Variants in P3H2 observed in about 807,000 individuals in gnomAD.
P3H2 encodes leprecan-like 1.
A neutral mutation model predicts 87.0 loss-of-function variants in P3H2; 80 were observed. The observed-to-expected ratio is 0.92, with a 90% CI of 0.77 to 1.11. The LOEUF (loss-of-function observed/expected upper bound fraction) is 1.11. Ranked by LOEUF, P3H2 falls within the 50% of genes least tolerant of loss-of-function variation. The pLI, the probability that P3H2 is intolerant of heterozygous loss-of-function variation, is 0.00. For missense variants in P3H2, 1,001 were observed against 923.9 expected, an observed-to-expected ratio of 1.08 and a Z score of -1.08; for synonymous variants, 367 against 359.3, an observed-to-expected ratio of 1.02 and a Z score of -0.24.
chr3:190,040,229 G>T (rs1375703949), intron 1 of P3H2, among the ~76,000 whole-genome samples: 2 of 152,152 alleles, frequency 1.3e-5, no homozygotes, highest in African/African-American at 4.8e-5. Flanking sequence ...GATTCCAGGG[G>T]AGATTTGAAA....
chr3:189,985,341 A>T (rs1343028293), intron 6 of P3H2, among the ~76,000 whole-genome samples: 1 of 151,652 alleles, frequency 6.6e-6, no homozygotes, highest in Non-Finnish European at 1.5e-5. Context: ...AAAAAATTAC[A>T]AGTTAAAATG....
chr3:190,032,781 G>T (rs1725294330), intron 1 of P3H2, among the ~76,000 whole-genome samples: 1 of 151,994 alleles, frequency 6.6e-6, no homozygotes, highest in African/African-American at 2.4e-5. Flanking sequence ...GCGGTCTCCA[G>T]CCTTTTTGGT....
intron 8 of P3H2, among the ~76,000 whole-genome samples, chr3:189,977,957 A>G (rs1723404122): frequency 6.6e-6 from 1 of 152,144 alleles, no homozygotes; most frequent in Non-Finnish European, 1.5e-5. Flanking sequence ...ATAGAACGCA[A>G]TTTGGAAAAG....
At chr3:190,046,071 T>G (rs570668884) in intron 1 of P3H2, among the ~76,000 whole-genome samples, 2 of 147,770 alleles carry the variant, frequency 1.4e-5, no homozygotes, top group Non-Finnish European at 3.0e-5. Flanking sequence ...TGCAGTGAGC[T>G]GAGATCGCAC....
In P3H2 at chr3:190,120,777, C is replaced by T; in HGVS notation, c.-46G>A. 2.0e-6 allele frequency: 3 copies of T among 1,502,548 alleles called. No homozygotes were observed. Among genetic ancestry groups the T allele is most frequent in the Non-Finnish European group, 2.7e-6 (3 of 1,131,486 alleles). 93.1% of individuals were successfully genotyped at this position (1,502,548 alleles called of 1,614,324 possible). A position where few individuals can be genotyped will look rare whatever the true frequency, so the allele number is the denominator to read the frequency against. On this transcript the variant is annotated 5_prime_UTR_variant, in exon 1 of 15. Coordinates refer to ENST00000319332, the MANE Select transcript of P3H2 (RefSeq NM_018192.4). Reference sequence around the variant, plus strand: ...GGGACGGTTACGCTCGAGAGGGCTTCGGGGCACCTCGCGTCCGGGTCCCCT... The same window carrying T: ...GGGACGGTTACGCTCGAGAGGGCTTTGGGGCACCTCGCGTCCGGGTCCCCT...
At chr3:190,041,035 TATACAC>T (rs1254457373) in intron 1 of P3H2, among the ~76,000 whole-genome samples, 20 of 39,798 alleles carry the variant, frequency 5.0e-4, no homozygotes, top group Admixed American at 7.2e-4. Context: ...TATATATATA[TATACAC>T]ACACACACAC....
In P3H2 at chr3:189,974,724, G is replaced by A. The variant is rs367974582; in HGVS notation, c.1325-39C>T. On this transcript the variant is annotated intron_variant, in intron 8 of 14. Coordinates refer to ENST00000319332, the MANE Select transcript of P3H2 (RefSeq NM_018192.4). ...GCACATTGTCTTCCCTGTTACCTCTGTCCCCCGAAAGGAAGCACAGAATAC... is the reference window on the plus strand; with the variant it reads ...GCACATTGTCTTCCCTGTTACCTCTATCCCCCGAAAGGAAGCACAGAATAC... The A allele has an allele frequency of 3.7e-6, 6 of 1,613,644 alleles. No individual in the cohort carries two copies. The African/African-American group carries it at 5.3e-5, about 14-fold the overall frequency.
intron 1 of P3H2, among the ~76,000 whole-genome samples, chr3:190,018,595 G>A (rs1441487725): frequency 6.6e-6 from 1 of 152,110 alleles, no homozygotes; most frequent in African/African-American, 2.4e-5. Flanking sequence ...TGTAATCTTA[G>A]CTACTTGGGA....
intron 14 of P3H2, 90 bp downstream of exon 14, chr3:189,963,868 T>C: frequency 7.4e-7 from 1 of 1,357,812 alleles, no homozygotes; most frequent in Middle Eastern, 1.9e-4. Context: ...CCCTCTTCTT[T>C]TCCTCAGACG....
chr3:190,022,965 T>A (rs867810021), intron 1 of P3H2, among the ~76,000 whole-genome samples: 1 of 152,240 alleles, frequency 6.6e-6, no homozygotes, highest in African/African-American at 2.4e-5. Flanking sequence ...TAGCTGGGAC[T>A]ACAGGCACCC....
intron 1 of P3H2, among the ~76,000 whole-genome samples, chr3:190,046,478 A>AC (rs1725809053): frequency 6.6e-6 from 1 of 152,168 alleles, no homozygotes; most frequent in Admixed American, 6.5e-5. Flanking sequence ...AAATGAAGTA[A>AC]TGGTAGATGA....
Position 189,994,270 on chromosome 3 carries a change from G to A in P3H2, c.647C>T (p.Ala216Val), listed in dbSNP as rs1723972613. The A allele has an allele frequency of 2.5e-6, 4 of 1,610,074 alleles. No individual in the cohort carries two copies. The highest frequency in any genetic ancestry group is 3.4e-6 in the Non-Finnish European group (4 of 1,176,984). ...EAKPHMESYN[A>V]GVKHYEADDF... ...ATCAGCCTCATAATGTTTAACTCCT[G>A]CATTGTAACTCTCCTGTAATGAAAC... The change falls in exon 3 of 15, where the codon GCA (alanine) becomes GTA (valine). Residue 216 changes from alanine to valine, a missense_variant. Transcript: ENST00000319332.
chr3:190,005,349 A>G (rs1028802310), intron 1 of P3H2, among the ~76,000 whole-genome samples: 4 of 152,240 alleles, frequency 2.6e-5, no homozygotes, highest in African/African-American at 9.6e-5. Context: ...ATGGGGGCAT[A>G]TAGATCAGGG....
intron 1 of P3H2, among the ~76,000 whole-genome samples, chr3:190,008,028 T>C (rs1372668561): frequency 1.4e-5 from 2 of 144,500 alleles, no homozygotes; most frequent in Admixed American, 7.1e-5. Flanking sequence ...AATTATAAAA[T>C]AATGACCTAA....
chr3:190,109,290 T>C (rs570548357), intron 1 of P3H2, among the ~76,000 whole-genome samples: 2 of 152,294 alleles, frequency 1.3e-5, no homozygotes, highest in Non-Finnish European at 2.9e-5. Flanking sequence ...CTTCCCTCCC[T>C]TTCTCTTTCT....
intron 3 of P3H2, among the ~76,000 whole-genome samples, chr3:189,993,753 G>A (rs1337489876): frequency 2.0e-5 from 3 of 152,068 alleles, no homozygotes; most frequent in South Asian, 2.1e-4. Flanking sequence ...ATGGCTCTAC[G>A]TACTTACGTG....
At chr3:189,974,099 T>G (rs1577248599) in intron 9 of P3H2, 95 bp from the exon 10 acceptor site, 1 of 970,898 alleles carries the variant, frequency 1.0e-6, no homozygotes, top group East Asian at 2.4e-5. Context: ...AGAACTCTAG[T>G]CAATGCTAAG....
chr3:190,041,274 TAAAAA>T (rs67754532), intron 1 of P3H2, among the ~76,000 whole-genome samples: 29 of 117,774 alleles, frequency 2.5e-4, no homozygotes, highest in Admixed American at 1.3e-3. Context: ...TAACCTGTCT[TAAAAA>T]AAAAAAAAAA....
chr3:190,062,373 CATTT>C (rs1428029378), intron 1 of P3H2, among the ~76,000 whole-genome samples: 1 of 152,132 alleles, frequency 6.6e-6, no homozygotes, highest in Non-Finnish European at 1.5e-5. Context: ...ATGCAAGCAT[CATTT>C]ATTTAATGCT....
Sources: allele counts gnomAD v4.1 joint callset (sites outside exome capture counted in the v4.1 genomes callset), GRCh38; gene constraint gnomAD v4.1.1; transcripts MANE v1.5; gene names NCBI Gene and HGNC (gene_info 2026-07-23, HGNC 2026-07-21).